The following GLRA1 variants were observed in gnomAD, a reference collection of about 807,000 sequenced individuals.
GLRA1 encodes glycine receptor subunit alpha-1.
In GLRA1, 37 loss-of-function variants were observed where a neutral mutation model predicts 48.3. That is an observed-to-expected ratio of 0.77 (90% CI 0.59 to 1.01). The LOEUF (loss-of-function observed/expected upper bound fraction) is 1.01, where lower values mean the gene tolerates loss of function less well. GLRA1 is among the 50% of genes least tolerant of loss of function. The pLI, the probability that GLRA1 is intolerant of heterozygous loss-of-function variation, is 0.00. For synonymous variants in GLRA1, 196 were observed against 210.7 expected (o/e 0.93, Z 0.60); for missense variants, 427 against 571.0 (o/e 0.75, Z 2.57).
At chr5:151,847,223 C>T (rs571957436) in intron 7 of GLRA1, among the ~76,000 whole-genome samples, 20 of 152,256 alleles carry the variant, frequency 1.3e-4, no homozygotes, top group African/African-American at 4.8e-4. Flanking sequence ...AATAATAGAG[C>T]AGAATATTGT....
chr5:151,892,822 C>T (rs140159732), intron 1 of GLRA1, among the ~76,000 whole-genome samples: 48 of 152,262 alleles, frequency 3.2e-4, no homozygotes, highest in African/African-American at 9.9e-4. Context: ...TGGAGCCACA[C>T]GGACAGAAAG....
intron 1 of GLRA1, among the ~76,000 whole-genome samples, chr5:151,924,206 G>C (rs978858289): frequency 6.6e-6 from 1 of 152,006 alleles, no homozygotes; most frequent in Non-Finnish European, 1.5e-5. Context: ...CAATAGTGGG[G>C]GGTGTAGCAG....
intron 1 of GLRA1, among the ~76,000 whole-genome samples, chr5:151,917,258 G>T (rs1307070495): frequency 6.6e-6 from 1 of 152,176 alleles, no homozygotes; most frequent in African/African-American, 2.4e-5. Context: ...GCCTACCCCA[G>T]ACCTCCTGAG....
Position 151,871,784 on chromosome 5 carries a change from T to A in GLRA1, c.253-11776A>T, listed in dbSNP as rs1396098760. On this transcript the variant is annotated intron_variant, in intron 3 of 8. Coordinates refer to ENST00000274576, the MANE Select transcript of GLRA1 (RefSeq NM_000171.4). ...TTTCACTGTGTTAACCAGGATGGTC[T>A]CAACCTCCTGACTTCGTGATCTGCC... Among the ~76,000 whole-genome samples, 8 of 149,570 alleles carry A rather than the reference T, an allele frequency of 5.3e-5. 3 individuals are homozygous for A. The highest frequency in any genetic ancestry group is 2.1e-4 in the African/African-American group (8 of 38,912).
At position 151,831,946 on chromosome 5, in the gene GLRA1, G is replaced by A. The variant is rs1377383079; in HGVS notation, c.913-2879C>T. Among the ~76,000 whole-genome samples the A allele has an allele frequency of 2.6e-5, 4 of 152,216 alleles. No individual in the cohort carries two copies. In the East Asian group the frequency reaches 7.7e-4, roughly 29 times the overall value. ...CCCCTCTGGGATGAAGCTTCCAGAGGAAGGAACAGGTAGCAATCTTTGCTG... is the reference window on the plus strand; with the variant it reads ...CCCCTCTGGGATGAAGCTTCCAGAGAAAGGAACAGGTAGCAATCTTTGCTG... On this transcript the variant is annotated intron_variant, in intron 7 of 8. Coordinates refer to ENST00000274576, the MANE Select transcript of GLRA1 (RefSeq NM_000171.4).
rs116662635 is a variant in GLRA1 at position 151,839,432 on chromosome 5, C to T, written c.913-10365G>A. Among the ~76,000 whole-genome samples, 1,499 of 152,098 alleles carry T rather than the reference C, an allele frequency of 9.9e-3. 28 individuals are homozygous for T. Among genetic ancestry groups the T allele is most frequent in the African/African-American group, 0.034 (1,425 of 41,482 alleles). On this transcript the variant is annotated intron_variant, in intron 7 of 8. Coordinates refer to ENST00000274576, the MANE Select transcript of GLRA1 (RefSeq NM_000171.4). ...GTTGAGTAAATCAATGATTGTAAACCTGTGTTAATCAACATATAATGAAGA... is the reference window on the plus strand; with the variant it reads ...GTTGAGTAAATCAATGATTGTAAACTTGTGTTAATCAACATATAATGAAGA...
intron 7 of GLRA1, among the ~76,000 whole-genome samples, chr5:151,830,775 A>C (rs1763401852): frequency 6.6e-6 from 1 of 152,274 alleles, no homozygotes; most frequent in South Asian, 2.1e-4. Flanking sequence ...GAATAGCAAC[A>C]GCAACAAATC....
At chr5:151,920,778 A>T (rs1297299301) in intron 1 of GLRA1, among the ~76,000 whole-genome samples, 1 of 152,158 alleles carries the variant, frequency 6.6e-6, no homozygotes, top group Non-Finnish European at 1.5e-5. Flanking sequence ...ACTCCTAGGC[A>T]CGTTCTGCAG....
At chr5:151,922,923 A>T (rs1754915577) in intron 1 of GLRA1, among the ~76,000 whole-genome samples, 1 of 152,230 alleles carries the variant, frequency 6.6e-6, no homozygotes, top group Non-Finnish European at 1.5e-5. Context: ...TTGCATACAA[A>T]TGTTACAAAG....
At chr5:151,894,225 C>T (rs1489785859) in intron 1 of GLRA1, among the ~76,000 whole-genome samples, 3 of 152,116 alleles carry the variant, frequency 2.0e-5, no homozygotes, top group Admixed American at 2.0e-4. Context: ...AGGATTTGTA[C>T]CCAACCTGTC....
Position 151,912,476 on chromosome 5 carries a change from C to T in GLRA1, c.56+12018G>A, listed in dbSNP as rs1221667242. ...TTGAGAGGCCCAGAGTTTGGACATGCCCTGTCAGAGAGCAAGGGAAAGGTT... is the reference window on the plus strand; with the variant it reads ...TTGAGAGGCCCAGAGTTTGGACATGTCCTGTCAGAGAGCAAGGGAAAGGTT... On this transcript the variant is annotated intron_variant, in intron 1 of 8. Transcript: ENST00000274576. 2.6e-5 allele frequency among the ~76,000 whole-genome samples: 4 copies of T among 152,264 alleles called. No individual in the cohort carries two copies. In the East Asian group the frequency reaches 7.7e-4, roughly 29 times the overall value.
chr5:151,921,754 C>A (rs1454319897), intron 1 of GLRA1, among the ~76,000 whole-genome samples: 2 of 152,180 alleles, frequency 1.3e-5, no homozygotes. Context: ...GGGCCCCATT[C>A]TCAAATGAAA....
At chr5:151,847,445 G>A (rs1752704744) in intron 7 of GLRA1, among the ~76,000 whole-genome samples, 1 of 152,182 alleles carries the variant, frequency 6.6e-6, no homozygotes, top group Non-Finnish European at 1.5e-5. Context: ...ATTATGTTTA[G>A]CGTTAAAACT....
chr5:151,843,122 C>A (rs1752543446), intron 7 of GLRA1, among the ~76,000 whole-genome samples: 1 of 151,880 alleles, frequency 6.6e-6, no homozygotes, highest in Admixed American at 6.6e-5. Context: ...AGAAGAAATC[C>A]CATGTTGATG....
At chr5:151,919,510 G>A (rs1754821129) in intron 1 of GLRA1, among the ~76,000 whole-genome samples, 1 of 152,216 alleles carries the variant, frequency 6.6e-6, no homozygotes, top group Non-Finnish European at 1.5e-5. Context: ...GAATTGCTTA[G>A]TGAGGTCCTC....
chr5:151,887,211 G>A (rs1456845594), intron 2 of GLRA1, among the ~76,000 whole-genome samples: 2 of 152,190 alleles, frequency 1.3e-5, no homozygotes, highest in African/African-American at 4.8e-5. Context: ...TATGAACCAA[G>A]AATGATTGTC....
At chr5:151,870,331 A>G (rs144336354) in intron 3 of GLRA1, among the ~76,000 whole-genome samples, 1 of 149,908 alleles carries the variant, frequency 6.7e-6, no homozygotes, top group African/African-American at 2.5e-5. Flanking sequence ...AGGAAAGCTG[A>G]TAGTGTTGGC....
intron 7 of GLRA1, 140 bp from the exon 8 acceptor site, chr5:151,829,207 G>C: frequency 1.4e-6 from 1 of 740,546 alleles, no homozygotes; most frequent in Non-Finnish European, 2.3e-6. Flanking sequence ...TATTAGGGTG[G>C]AGGTATAGAG....
intron 4 of GLRA1, 46 bp from the exon 5 acceptor site, chr5:151,856,429 G>T (rs755552313): frequency 2.4e-6 from 3 of 1,232,120 alleles, no homozygotes; most frequent in Non-Finnish European, 2.4e-6. Flanking sequence ...TGCACATCAG[G>T]GAGGCTGTGC....
Sources: gnomAD v4.1 joint callset for allele counts (sites outside exome capture counted in the v4.1 genomes callset) on GRCh38, gnomAD v4.1.1 for gene constraint, MANE v1.5 for transcripts, NCBI Gene and HGNC (gene_info 2026-07-23, HGNC 2026-07-21) for gene names.